TMBIM1: variants seen among roughly 807,000 people sequenced by gnomAD.
TMBIM1 encodes the protein transmembrane BAX inhibitor motif containing 1.
TMBIM1 carries 34 observed loss-of-function variants against 45.1 expected under a neutral mutation model. The ratio of observed to expected loss-of-function variants is 0.75; its 90% CI spans 0.57 to 1.00. TMBIM1 has a LOEUF of 1.00. Among genes scored for constraint, TMBIM1 ranks in the 50% least tolerant of loss-of-function variants. The probability of loss-of-function intolerance (pLI) is 0.00; values close to 1 mark genes in which losing one functional copy is unlikely to be tolerated. For missense variants in TMBIM1, 374 were observed against 402.4 expected, an observed-to-expected ratio of 0.93 and a Z score of 0.60; for synonymous variants, 157 against 153.5, an observed-to-expected ratio of 1.02 and a Z score of -0.17.
At chr2:218,280,427 G>A (rs1691786130) in intron 2 of TMBIM1, 1 of 351,970 alleles carries the variant, frequency 2.8e-6, no homozygotes, top group Non-Finnish European at 5.4e-6. Context: ...AGCCAGGCAG[G>A]AGCAGGTATG....
intron 6 of TMBIM1, 133 bp from the exon 7 acceptor site, chr2:218,278,107 G>A: frequency 2.0e-6 from 2 of 998,252 alleles, no homozygotes; most frequent in Non-Finnish European, 3.0e-6. Context: ...AGGTTGGCAT[G>A]GCCTTTGGCA....
chr2:218,289,271 C>G (rs1692763894), intron 1 of TMBIM1, among the ~76,000 whole-genome samples: 1 of 152,204 alleles, frequency 6.6e-6, no homozygotes, highest in Non-Finnish European at 1.5e-5. Context: ...AAGTTCTTGT[C>G]CTGGCTTTGG....
At chr2:218,287,506 A>C (rs912021245) in intron 1 of TMBIM1, among the ~76,000 whole-genome samples, 2 of 152,000 alleles carry the variant, frequency 1.3e-5, no homozygotes, top group African/African-American at 4.8e-5. Flanking sequence ...TCAGGAGATC[A>C]AGACCATCGT....
Position 218,277,097 on chromosome 2 carries a change from C to T in TMBIM1, c.642G>A (p.Val214=). ...AGAGGCCTGTGCACGAGGTGAAGTCCACCTGCCAGGAAGCAAGAAAGAGGC... is the reference window on the plus strand; with the variant it reads ...AGAGGCCTGTGCACGAGGTGAAGTCTACCTGCCAGGAAGCAAGAAAGAGGC... The part of the protein sequence containing the change: ...SVTIFCFQTK[V]DFTSCTGLFC... The change falls in exon 10 of 12, where the codon GTG becomes GTA. Residue 214 remains valine, a splice_region_variant and synonymous_variant. Coordinates refer to ENST00000258412, the MANE Select transcript of TMBIM1 (RefSeq NM_022152.6). 1 of 1,613,998 alleles carries T rather than the reference C, an allele frequency of 6.2e-7. No individual in the cohort carries two copies. The highest frequency in any genetic ancestry group is 1.7e-5 in the Admixed American group (1 of 60,008).
chr2:218,275,629 G>A lies in TMBIM1; in HGVS notation c.790-8C>T. 6.2e-7 allele frequency: 1 copy of A among 1,606,784 alleles called. No homozygotes were observed. The highest frequency in any genetic ancestry group is 8.5e-7 in the Non-Finnish European group (1 of 1,177,434). On this transcript the variant is annotated splice_region_variant and splice_polypyrimidine_tract_variant and intron_variant, in intron 11 of 11. Coordinates refer to ENST00000258412, the MANE Select transcript of TMBIM1 (RefSeq NM_022152.6). ...TGTGTCGTAAGCCAGGAACTGCAAG[G>A]ATAGGGAAGCCAGAAGTGAGAACTC...
At chr2:218,290,271 T>C (rs1199904801) in intron 1 of TMBIM1, among the ~76,000 whole-genome samples, 1 of 152,216 alleles carries the variant, frequency 6.6e-6, no homozygotes, top group Non-Finnish European at 1.5e-5. Context: ...TTCAGCTTTG[T>C]TTAACCCAGT....
rs200292529 is a variant in TMBIM1, at chr2:218,278,552, C to A, written c.436G>T (p.Val146Phe). Residue 146 changes from valine (V) to phenylalanine (F), a missense_variant, in exon 6 of 12, where the codon GTC (valine) becomes TTC (phenylalanine). Physicochemically the swap from Val to Phe is conservative, Grantham distance 50. Transcript: ENST00000258412. Reference sequence around the variant, plus strand: ...CAGCAGGCAAGGATCAGGTAGGTGACAACGAAGACAGCACTAGGGACAAAG... The same window carrying A: ...CAGCAGGCAAGGATCAGGTAGGTGAAAACGAAGACAGCACTAGGGACAAAG... ...VYYVSYAVFVVTYLILACCQG... is the reference protein window; with the variant it reads ...VYYVSYAVFVFTYLILACCQG... 28 of 1,614,150 alleles carry A rather than the reference C, an allele frequency of 1.7e-5. No homozygotes were observed. In the East Asian group the frequency reaches 4.7e-4, roughly 27 times the overall value.
chr2:218,278,105 A>G, intron 6 of TMBIM1, 131 bp from the exon 7 acceptor site: 1 of 1,052,726 alleles, frequency 9.5e-7, no homozygotes, highest in East Asian at 2.6e-5. Flanking sequence ...GGAGGTTGGC[A>G]TGGCCTTTGG....
intron 5 of TMBIM1, among the ~76,000 whole-genome samples, 166 bp downstream of exon 5, chr2:218,278,872 A>G (rs1691548527): frequency 6.6e-6 from 1 of 152,094 alleles, no homozygotes; most frequent in Admixed American, 6.6e-5. Flanking sequence ...GGGGTCTGCT[A>G]CTCATCTGGG....
intron 10 of TMBIM1, among the ~76,000 whole-genome samples, chr2:218,276,526 G>A (rs776149080): frequency 1.1e-4 from 16 of 152,146 alleles, no homozygotes; most frequent in Non-Finnish European, 2.1e-4. Flanking sequence ...ACAGGTGGCC[G>A]TCCACAGAAG....
chr2:218,279,949 C>T (rs1165299170), intron 3 of TMBIM1, 77 bp downstream of exon 3: 1 of 1,028,024 alleles, frequency 9.7e-7, no homozygotes. Flanking sequence ...TGCCCTGGGG[C>T]TACTGTGGCC....
rs1574645067 is a variant in TMBIM1 at position 218,281,595 on chromosome 2, G to A, written c.202+345C>T. Among the ~76,000 whole-genome samples, 3 of 152,342 alleles carry A rather than the reference G, an allele frequency of 2.0e-5. No individual in the cohort carries two copies. In the South Asian group the frequency reaches 6.2e-4, roughly 32 times the overall value. On this transcript the variant is annotated intron_variant, in intron 2 of 11. Coordinates refer to ENST00000258412, the MANE Select transcript of TMBIM1 (RefSeq NM_022152.6). ...CTAAGGAAGTCGACAGGTCTGGGAG[G>A]TGGCAGCAGCTTGTTGGCCGCTTGT...
rs766742640 is a variant in TMBIM1 at position 218,277,463 on chromosome 2, A to G, written c.552-10T>C. On this transcript the variant is annotated splice_polypyrimidine_tract_variant and intron_variant, in intron 8 of 11. Coordinates refer to ENST00000258412, the MANE Select transcript of TMBIM1 (RefSeq NM_022152.6). ...TTTGGTTTGGTACATACTGGGGAGA[A>G]GCAGGAGTTACAGACAAGAGGCATT... The G allele has an allele frequency of 1.9e-6, 3 of 1,614,020 alleles. No individual in the cohort carries two copies. Among genetic ancestry groups the G allele is most frequent in the South Asian group, 2.2e-5 (2 of 91,082 alleles).
rs1239625083 is a variant in TMBIM1, at chr2:218,275,555, T to C, written c.856A>G (p.Ile286Val). Residue 286 changes from isoleucine (I) to valine (V), a missense_variant, in exon 12 of 12, where the codon ATC (isoleucine) becomes GTC (valine). Transcript: ENST00000258412. ...RKHTISPEDY[I>V]TGALQIYTDI... ...GTGTAAATCTGCAGGGCGCCAGTGA[T>C]GTAGTCCTCGGGGCTGATGGTGTGC... 5 of 1,613,876 alleles carry C rather than the reference T, an allele frequency of 3.1e-6. No homozygotes were observed. The highest frequency in any genetic ancestry group is 8.5e-7 in the Non-Finnish European group (1 of 1,179,986).
chr2:218,289,800 G>A (rs1253160733), intron 1 of TMBIM1, among the ~76,000 whole-genome samples: 1 of 152,122 alleles, frequency 6.6e-6, no homozygotes, highest in Non-Finnish European at 1.5e-5. Flanking sequence ...AGAGGCAGAA[G>A]TACATGGCAT....
Position 218,275,999 on chromosome 2 carries a change from C to T in TMBIM1, c.789+27G>A, listed in dbSNP as rs750337213. ...TTCCTCCCCTCATCCCCTCAGCTCC[C>T]CTTCCTAGAGTGGGGCTGGGACTTA... On this transcript the variant is annotated intron_variant, in intron 11 of 11. Transcript: ENST00000258412. 3.1e-6 allele frequency: 5 copies of T among 1,604,944 alleles called. 1 individual carries two copies. The Admixed American group carries it at 6.8e-5, about 22-fold the overall frequency.
chr2:218,281,278 G>A (rs1260959260), intron 2 of TMBIM1, among the ~76,000 whole-genome samples: 1 of 151,760 alleles, frequency 6.6e-6, no homozygotes, highest in Non-Finnish European at 1.5e-5. Context: ...TGGGATTACA[G>A]GTGCACGCCA....
intron 1 of TMBIM1, among the ~76,000 whole-genome samples, chr2:218,288,302 G>A (rs530161869): frequency 1.3e-5 from 2 of 152,150 alleles, no homozygotes; most frequent in East Asian, 1.9e-4. Flanking sequence ...GGTGGCGGAC[G>A]CCTGTAGTCC....
In TMBIM1 at chr2:218,279,323, T is replaced by C. The variant is rs910833975; in HGVS notation, c.334A>G (p.Ile112Val). ...VYSIISVQLL[I>V]TVAIIAIFTF... ...AAGATAGCAATGATGGCCACAGTGA[T>C]GAGCAGCTGCACGGAGATGATGGAG... Residue 112 changes from isoleucine to valine, a missense_variant, in exon 4 of 12, where the codon ATC becomes GTC. Transcript: ENST00000258412. 1.3e-6 allele frequency: 2 copies of C among 1,587,916 alleles called. No individual in the cohort carries two copies. The highest frequency in any genetic ancestry group is 2.7e-5 in the African/African-American group (2 of 73,992).
Sources: allele counts gnomAD v4.1 joint callset (sites outside exome capture counted in the v4.1 genomes callset), GRCh38; gene constraint gnomAD v4.1.1; transcripts MANE v1.5; gene names NCBI Gene and HGNC (gene_info 2026-07-23, HGNC 2026-07-21).